ARPIN: variants seen among roughly 807,000 people sequenced by gnomAD.
ARPIN encodes UPF0552 protein C15orf38.
ARPIN carries 23 observed loss-of-function variants against 25.9 expected under a neutral mutation model. The observed-to-expected ratio is 0.89, with a 90% CI of 0.64 to 1.26. The LOEUF (loss-of-function observed/expected upper bound fraction) is 1.26, where lower values mean the gene tolerates loss of function less well. Among genes scored for constraint, ARPIN ranks in the 50% most tolerant of loss-of-function variants. The pLI is 0.00. For missense variants in ARPIN, 333 were observed against 312.2 expected, an observed-to-expected ratio of 1.07 and a Z score of -0.50; for synonymous variants, 126 against 131.4, an observed-to-expected ratio of 0.96 and a Z score of 0.28.
At chr15:89,902,956 C>T (rs969255595) in intron 5 of ARPIN, 2 of 1,410,646 alleles carry the variant, frequency 1.4e-6, no homozygotes, top group African/African-American at 1.4e-5. Flanking sequence ...TATCCCTCTG[C>T]ACCCCCTCCT....
At chr15:89,912,650 T>TCCCCCACCCGCATCCCACC in intron 1 of ARPIN, 94 bp downstream of exon 1, 2 of 1,299,706 alleles carry the variant, frequency 1.5e-6, no homozygotes, top group African/African-American at 1.6e-5. Flanking sequence ...ACCCCAGTTT[T>TCCCCCACCCGCATCCCACC]CCCCCACCCG....
Position 89,906,424 on chromosome 15 carries a change from CT to C in ARPIN, c.301+1855del, listed in dbSNP as rs773320486. On this transcript the variant is annotated intron_variant, in intron 3 of 5. Transcript: ENST00000357484. Reference sequence around the variant, plus strand: ...CCTCTCTGAAACACCCTGCAAATCCCTGGCACCTGGCTGACCTCTGCTTATC... The same window carrying C: ...CCTCTCTGAAACACCCTGCAAATCCCGGCACCTGGCTGACCTCTGCTTATC... Among the ~76,000 whole-genome samples, 8 of 152,178 alleles carry C rather than the reference CT, an allele frequency of 5.3e-5. No homozygotes were observed. The East Asian group carries it at 5.8e-4, about 11-fold the overall frequency.
At position 89,910,757 on chromosome 15, in the gene ARPIN, G is replaced by A. The variant is rs764548526; in HGVS notation, c.155C>T (p.Thr52Ile). 8 of 1,614,162 alleles carry A rather than the reference G, an allele frequency of 5.0e-6. No individual in the cohort carries two copies. The highest frequency in any genetic ancestry group is 6.8e-6 in the Non-Finnish European group (8 of 1,180,010). Residue 52 changes from threonine (T) to isoleucine (I), a missense_variant, in exon 2 of 6, where the codon ACT becomes ATT. Coordinates refer to ENST00000357484, the MANE Select transcript of ARPIN (RefSeq NM_182616.4). The stretch of plus-strand genomic sequence containing the variant: ...AAGCATCCTCACCTTCCTGCCATGA[G>A]TGTCCAAGATGCTGTGCCGAGATAC... ...IDVSRHSILD[T>I]HGRKERYYVL...
intron 4 of ARPIN, 21 bp from the exon 5 acceptor site, chr15:89,903,400 G>T: frequency 1.2e-6 from 2 of 1,614,040 alleles, no homozygotes. Flanking sequence ...AGATGAAATT[G>T]AATGTCCTCT....
In ARPIN at chr15:89,908,390, A is replaced by G. The variant is rs777736394; in HGVS notation, c.191T>C (p.Ile64Thr). The stretch of plus-strand genomic sequence containing the variant: ...ACGGCGATGGATGTGACTGGGCCGG[A>G]TATACAGCACGTAGTAGCGCTCCTG... ...GRKERYYVLY[I>T]RPSHIHRRKF... Residue 64 changes from isoleucine (I) to threonine (T), a missense_variant, in exon 3 of 6, where the codon ATC (isoleucine) becomes ACC (threonine). Coordinates refer to ENST00000357484, the MANE Select transcript of ARPIN (RefSeq NM_182616.4). 1 of 1,614,124 alleles carries G rather than the reference A, an allele frequency of 6.2e-7. No homozygotes were observed. The highest frequency in any genetic ancestry group is 8.5e-7 in the Non-Finnish European group (1 of 1,180,028).
In ARPIN at chr15:89,895,632, C is replaced by A. The variant is rs1440159807; in HGVS notation, c.*6163G>T. The A allele has an allele frequency of 1.3e-5, 2 of 152,164 alleles. No homozygotes were observed. Among genetic ancestry groups the A allele is most frequent in the Non-Finnish European group, 2.9e-5 (2 of 68,028 alleles). 9.4% of individuals were successfully genotyped at this position (152,164 alleles called of 1,614,324 possible). On this transcript the variant is annotated 3_prime_UTR_variant, in exon 6 of 6. Coordinates refer to ENST00000357484, the MANE Select transcript of ARPIN (RefSeq NM_182616.4). The stretch of plus-strand genomic sequence containing the variant: ...ACAGTGCATGGCACATAACTGAGTA[C>A]CACATAAGTGATTTAAAAACATCTT...
At chr15:89,910,016 A>G (rs1464675762) in intron 2 of ARPIN, among the ~76,000 whole-genome samples, 2 of 152,194 alleles carry the variant, frequency 1.3e-5, no homozygotes, top group African/African-American at 4.8e-5. Context: ...TGGGCAGGCT[A>G]GCTAGGGGCT....
At position 89,896,114 on chromosome 15, in the gene ARPIN, C is replaced by T. The variant is rs1408205033; in HGVS notation, c.*5681G>A. On this transcript the variant is annotated 3_prime_UTR_variant, in exon 6 of 6. Transcript: ENST00000357484. ...ACATTGGCCAGTCTGGTCTCAAACT[C>T]CTGACCTCAAGTGATTCACCCATCT... 1.3e-5 allele frequency: 2 copies of T among 152,246 alleles called. No individual in the cohort carries two copies. The highest frequency in any genetic ancestry group is 2.9e-5 in the Non-Finnish European group (2 of 68,066). 9.4% of individuals were successfully genotyped at this position (152,246 alleles called of 1,614,324 possible). A position where few individuals can be genotyped will look rare whatever the true frequency, so the allele number is the denominator to read the frequency against.
chr15:89,903,086 G>GT, intron 5 of ARPIN, 130 bp downstream of exon 5: 1 of 1,583,958 alleles, frequency 6.3e-7, no homozygotes. Flanking sequence ...ATTCCCAGGT[G>GT]TTTCACAGAA....
rs1002903071 is a variant in ARPIN, at chr15:89,904,910, C to A, written c.302-927G>T. On this transcript the variant is annotated intron_variant, in intron 3 of 5. Coordinates refer to ENST00000357484, the MANE Select transcript of ARPIN (RefSeq NM_182616.4). ...GGCTGCTCCCACAGGACTGCTCCAT[C>A]CTCCTCAGCCCTCTGCCCTGACACC... Among the ~76,000 whole-genome samples, 7 of 152,322 alleles carry A rather than the reference C, an allele frequency of 4.6e-5. No homozygotes were observed. In the East Asian group the frequency reaches 5.8e-4, roughly 13 times the overall value.
rs1910586 is a variant in ARPIN at position 89,897,257 on chromosome 15, T to G, written c.*4538A>C. ...CCCAGCAATTTGGGAGGCTGAGGAG[T>G]GAGGATCACTTGAGATCAGAAGTTC... On this transcript the variant is annotated 3_prime_UTR_variant, in exon 6 of 6. Transcript: ENST00000357484. 71,013 of 150,990 alleles carry G rather than the reference T, an allele frequency of 0.47. 16,831 individuals carry two copies. Among genetic ancestry groups the G allele is most frequent in the East Asian group, 0.63 (3,219 of 5,116 alleles). 9.4% of individuals were successfully genotyped at this position (150,990 alleles called of 1,614,324 possible). A position where few individuals can be genotyped will look rare whatever the true frequency, so the allele number is the denominator to read the frequency against.
intron 1 of ARPIN, 35 bp downstream of exon 1, chr15:89,912,709 G>T: frequency 8.3e-7 from 1 of 1,205,854 alleles, no homozygotes; most frequent in East Asian, 4.4e-5. Context: ...GCCGGGGCAG[G>T]GGAGGCCGAC....
chr15:89,901,628 G>T lies in ARPIN; in HGVS notation c.*167C>A, dbSNP rs1897022439. 7.6e-6 allele frequency: 6 copies of T among 785,030 alleles called. No individual in the cohort carries two copies. Among genetic ancestry groups the T allele is most frequent in the Non-Finnish European group, 1.2e-5 (6 of 481,634 alleles). The allele number at this position is 785,030 out of a possible 1,614,324, so 48.6% of individuals were successfully genotyped here. A position where few individuals can be genotyped will look rare whatever the true frequency, so the allele number is the denominator to read the frequency against. ...CCCACCACCAACACAGTGGTCATGG[G>T]TTTGGTTTTAGCAGAGCTTGTTCAA... On this transcript the variant is annotated 3_prime_UTR_variant, in exon 6 of 6. Coordinates refer to ENST00000357484, the MANE Select transcript of ARPIN (RefSeq NM_182616.4).
chr15:89,908,475 T>C, intron 2 of ARPIN, 63 bp from the exon 3 acceptor site: 3 of 1,594,818 alleles, frequency 1.9e-6, no homozygotes, highest in Non-Finnish European at 2.6e-6. Context: ...CACTCTGGGC[T>C]CCGGCTGCAG....
chr15:89,912,663 T>TTGGGGGGC, intron 1 of ARPIN, 81 bp downstream of exon 1: 1 of 871,090 alleles, frequency 1.1e-6, no homozygotes, highest in Non-Finnish European at 1.4e-6. Flanking sequence ...CCCACCCGCA[T>TTGGGGGGC]CCCACCCCCC....
intron 1 of ARPIN, chr15:89,912,531 G>T (rs967304466): frequency 9.2e-6 from 12 of 1,304,012 alleles, no homozygotes; most frequent in South Asian, 2.2e-5. Context: ...GACAGGCGGG[G>T]AGCTTTAAGC....
intron 4 of ARPIN, 152 bp downstream of exon 4, chr15:89,903,625 G>T: frequency 7.3e-7 from 1 of 1,372,220 alleles, no homozygotes; most frequent in Non-Finnish European, 9.8e-7. Flanking sequence ...GGGCACTTGT[G>T]CAGGGATTTA....
rs180671447 is a variant in ARPIN at position 89,911,790 on chromosome 15, C to T, written c.92+954G>A. Among the ~76,000 whole-genome samples the T allele has an allele frequency of 8.5e-5, 13 of 152,210 alleles. 2 individuals carry two copies. In the East Asian group the frequency reaches 2.3e-3, roughly 27 times the overall value. On this transcript the variant is annotated intron_variant, in intron 1 of 5. Transcript: ENST00000357484. ...TTTGTACCTTTGATCATTACCCCAT[C>T]CCCATCCACTATCCCCTGGCAATCA...
intron 1 of ARPIN, chr15:89,912,140 T>G: frequency 1.1e-6 from 1 of 951,512 alleles, no homozygotes; most frequent in Non-Finnish European, 1.3e-6. Context: ...GTTTCTATGG[T>G]TCAACGCTTT....
Sources: allele counts gnomAD v4.1 joint callset (sites outside exome capture counted in the v4.1 genomes callset), GRCh38; gene constraint gnomAD v4.1.1; transcripts MANE v1.5; gene names NCBI Gene and HGNC (gene_info 2026-07-23, HGNC 2026-07-21).